VTI1A: variants seen among roughly 807,000 people sequenced by gnomAD.
VTI1A encodes the protein vesicle transport through interaction with t-SNAREs 1A, also known as vesicle transport through interaction with t-SNAREs homolog 1A.
A neutral mutation model predicts 34.9 loss-of-function variants in VTI1A; 22 were observed. The ratio of observed to expected loss-of-function variants is 0.63; its 90% CI spans 0.45 to 0.90. The LOEUF is 0.90. Ranked by LOEUF, VTI1A falls within the 40% of genes least tolerant of loss-of-function variation. The pLI is 0.00. For synonymous variants in VTI1A, 87 were observed against 97.3 expected (o/e 0.89, Z 0.62); for missense variants, 268 against 275.6 (o/e 0.97, Z 0.20).
intron 7 of VTI1A, among the ~76,000 whole-genome samples, chr10:112,768,822 A>T (rs916866943): frequency 2.0e-5 from 3 of 152,216 alleles, no homozygotes; most frequent in Non-Finnish European, 1.5e-5. Flanking sequence ...ATGGAGCCTC[A>T]TGTCTGCAAC....
At chr10:112,853,169 G>T in the VTI1A span, among the ~76,000 whole-genome samples, 1 of 152,156 alleles carries the variant, frequency 6.6e-6, no homozygotes, top group African/African-American at 2.4e-5. Flanking sequence ...ACTCTTCCAG[G>T]GGGGTAAATT....
At chr10:112,449,153 T>A (rs1357984796) in intron 1 of VTI1A, 1 of 152,256 alleles carries the variant, frequency 6.6e-6, no homozygotes, top group Non-Finnish European at 1.5e-5. Context: ...GAGATCGTCT[T>A]GATTTTTGTT....
intron 7 of VTI1A, among the ~76,000 whole-genome samples, chr10:112,746,696 G>A (rs1850909465): frequency 6.6e-6 from 1 of 152,128 alleles, no homozygotes; most frequent in African/African-American, 2.4e-5. Context: ...AAAATTAACT[G>A]AGCAAATTTG....
chr10:112,662,798 C>T (rs1047292295), intron 5 of VTI1A, among the ~76,000 whole-genome samples: 1 of 152,018 alleles, frequency 6.6e-6, no homozygotes, highest in Non-Finnish European at 1.5e-5. Context: ...TTGACACTGT[C>T]TTGTATTTAG....
chr10:112,751,438 T>G (rs534738201), intron 7 of VTI1A, among the ~76,000 whole-genome samples: 1 of 138,082 alleles, frequency 7.2e-6, no homozygotes, highest in Admixed American at 7.9e-5. Flanking sequence ...TCCCTAATCA[T>G]GTAGAGGAAA....
intron 5 of VTI1A, among the ~76,000 whole-genome samples, chr10:112,574,089 C>T (rs1284262166): frequency 6.6e-6 from 1 of 152,134 alleles, no homozygotes; most frequent in East Asian, 1.9e-4. Context: ...GTACAGTACT[C>T]ATTGTATACT....
At chr10:112,803,101 T>C (rs895873181) in intron 7 of VTI1A, among the ~76,000 whole-genome samples, 4 of 152,152 alleles carry the variant, frequency 2.6e-5, no homozygotes, top group African/African-American at 9.7e-5. Context: ...GAAGTTTCGC[T>C]CTTGTTGCCC....
intron 5 of VTI1A, among the ~76,000 whole-genome samples, chr10:112,611,802 C>T (rs962517983): frequency 1.8e-4 from 25 of 136,980 alleles, no homozygotes; most frequent in African/African-American, 6.0e-4. Flanking sequence ...AGTCCAGTAG[C>T]GCTATCTCAG....
chr10:112,688,145 G>C (rs1848488741), intron 7 of VTI1A, among the ~76,000 whole-genome samples: 1 of 151,578 alleles, frequency 6.6e-6, no homozygotes, highest in Admixed American at 6.6e-5. Flanking sequence ...GTAGAGACAG[G>C]GTTTCACCTT....
At chr10:112,853,610 T>C in the VTI1A span, among the ~76,000 whole-genome samples, 1 of 152,236 alleles carries the variant, frequency 6.6e-6, no homozygotes, top group Non-Finnish European at 1.5e-5. Flanking sequence ...TCAAGTCTCC[T>C]GAGACCTCGT....
At chr10:112,720,001 T>C (rs1417899287) in intron 7 of VTI1A, among the ~76,000 whole-genome samples, 1 of 152,250 alleles carries the variant, frequency 6.6e-6, no homozygotes, top group Non-Finnish European at 1.5e-5. Context: ...TCATACTATA[T>C]GTGGTATTTT....
intron 5 of VTI1A, among the ~76,000 whole-genome samples, chr10:112,582,190 G>A (rs1471952047): frequency 1.3e-5 from 2 of 152,082 alleles, no homozygotes; most frequent in African/African-American, 2.4e-5. Context: ...TTGCTCTGTC[G>A]TGGAGTTAGA....
chr10:112,659,471 C>A (rs1348768896), intron 5 of VTI1A, among the ~76,000 whole-genome samples: 1 of 152,138 alleles, frequency 6.6e-6, no homozygotes, highest in East Asian at 1.9e-4. Context: ...TTACTGGTAG[C>A]ACAGCTTCAT....
intron 7 of VTI1A, among the ~76,000 whole-genome samples, chr10:112,739,179 G>C (rs994540583): frequency 5.3e-5 from 8 of 152,174 alleles, no homozygotes; most frequent in Non-Finnish European, 8.8e-5. Context: ...TGTTTTCTCA[G>C]GACAAGCTCA....
intron 5 of VTI1A, among the ~76,000 whole-genome samples, chr10:112,539,320 A>G (rs1239660401): frequency 6.6e-6 from 1 of 152,222 alleles, no homozygotes; most frequent in Non-Finnish European, 1.5e-5. Context: ...ATGAATGGCC[A>G]GTGTTTTTCT....
intron 5 of VTI1A, chr10:112,548,959 T>C: frequency 1.5e-6 from 1 of 675,946 alleles, no homozygotes; most frequent in South Asian, 1.9e-5. Context: ...ATTATATCTT[T>C]CTTTCTTCTC....
intron 7 of VTI1A, among the ~76,000 whole-genome samples, chr10:112,750,952 T>C (rs1240384802): frequency 6.6e-6 from 1 of 152,180 alleles, no homozygotes; most frequent in Non-Finnish European, 1.5e-5. Flanking sequence ...CCACATGGGA[T>C]TTTTAAGTAG....
chr10:112,732,831 G>A (rs1302648307), intron 7 of VTI1A, among the ~76,000 whole-genome samples: 1 of 152,176 alleles, frequency 6.6e-6, no homozygotes, highest in Non-Finnish European at 1.5e-5. Context: ...CTCTCTGGAT[G>A]TACTTTGCTG....
chr10:112,509,315 C>T (rs911181416), intron 3 of VTI1A, among the ~76,000 whole-genome samples: 9 of 152,206 alleles, frequency 5.9e-5, no homozygotes, highest in East Asian at 5.8e-4. Flanking sequence ...TGCCCAAATC[C>T]GAGGCCTTTC....
Sources: gnomAD v4.1 joint callset for allele counts (sites outside exome capture counted in the v4.1 genomes callset) on GRCh38, gnomAD v4.1.1 for gene constraint, MANE v1.5 for transcripts, NCBI Gene and HGNC (gene_info 2026-07-23, HGNC 2026-07-21) for gene names.